The following SCFD2 variants were observed in gnomAD, a reference collection of about 807,000 sequenced individuals.
The protein encoded by SCFD2 is sec1 family domain containing 2, also known as sec1 family domain-containing protein 2.
In SCFD2, 54 loss-of-function variants were observed where a neutral mutation model predicts 58.9. The observed-to-expected ratio is 0.92, with a 90% CI of 0.74 to 1.15. The LOEUF (loss-of-function observed/expected upper bound fraction) is 1.15, where lower values mean the gene tolerates loss of function less well. Ranked by LOEUF, SCFD2 falls within the 50% of genes most tolerant of loss-of-function variation. The pLI is 0.00. For synonymous variants in SCFD2, 321 were observed against 335.9 expected (o/e 0.96, Z 0.49); for missense variants, 805 against 836.6 (o/e 0.96, Z 0.47).
At chr4:53,034,923 C>G (rs1004236224) in intron 5 of SCFD2, among the ~76,000 whole-genome samples, 11 of 152,174 alleles carry the variant, frequency 7.2e-5, no homozygotes. Flanking sequence ...ACATTCAATG[C>G]TATCCCCATC....
intron 5 of SCFD2, among the ~76,000 whole-genome samples, chr4:53,059,904 C>A (rs561825723): frequency 1.2e-4 from 19 of 152,078 alleles, no homozygotes; most frequent in Non-Finnish European, 2.1e-4. Context: ...AGTAAAAAAT[C>A]TCCAGTGCTA....
intron 5 of SCFD2, chr4:52,956,234 T>C: frequency 2.2e-6 from 1 of 456,630 alleles, no homozygotes; most frequent in Non-Finnish European, 4.4e-6. Flanking sequence ...TGCCTCCCCA[T>C]CATACTTAGA....
At chr4:53,343,202 T>C (rs1164099197) in intron 2 of SCFD2, among the ~76,000 whole-genome samples, 1 of 152,064 alleles carries the variant, frequency 6.6e-6, no homozygotes, top group Non-Finnish European at 1.5e-5. Flanking sequence ...ACAAAATTGA[T>C]AGACCGCTAA....
At chr4:52,962,650 A>G (rs1341689760) in intron 5 of SCFD2, among the ~76,000 whole-genome samples, 1 of 151,610 alleles carries the variant, frequency 6.6e-6, no homozygotes, top group East Asian at 1.9e-4. Context: ...CATTGTGTTA[A>G]TGCTATGATG....
At chr4:53,059,013 G>A (rs978606481) in intron 5 of SCFD2, among the ~76,000 whole-genome samples, 1 of 152,106 alleles carries the variant, frequency 6.6e-6, no homozygotes, top group African/African-American at 2.4e-5. Context: ...CAGGAATCGC[G>A]GTACCAGGAG....
In SCFD2 at chr4:53,127,247, T is replaced by C. The variant is rs183405404; in HGVS notation, c.1561+18086A>G. On this transcript the variant is annotated intron_variant, in intron 5 of 8. Transcript: ENST00000401642. ...GGTTTCCTTTGATGTTCCAATTCCT[T>C]CTTCAACCAAACTTTCTATTCTCCA... 3.6e-3 allele frequency among the ~76,000 whole-genome samples: 551 copies of C among 152,348 alleles called. 1 individual carries two copies. Among genetic ancestry groups the C allele is most frequent in the African/African-American group, 0.013 (527 of 41,582 alleles).
rs572979916 is a variant in SCFD2 at position 52,888,586 on chromosome 4, T to C, written c.1843-2720A>G. ...GTCAATGGACACTCCTTTGTCATCA[T>C]CTAACCTGACATTTCTATGGCATGT... On this transcript the variant is annotated intron_variant, in intron 7 of 8. Coordinates refer to ENST00000401642, the MANE Select transcript of SCFD2 (RefSeq NM_152540.4). Among the ~76,000 whole-genome samples the C allele has an allele frequency of 3.9e-5, 6 of 152,320 alleles. No individual in the cohort carries two copies. The East Asian group carries it at 9.7e-4, about 25-fold the overall frequency.
chr4:53,019,080 T>C (rs897432610), intron 5 of SCFD2, among the ~76,000 whole-genome samples: 1 of 152,188 alleles, frequency 6.6e-6, no homozygotes, highest in African/African-American at 2.4e-5. Flanking sequence ...GTTCAATAGA[T>C]ATTAGGAGCC....
At chr4:52,966,065 T>C (rs192062313) in intron 5 of SCFD2, among the ~76,000 whole-genome samples, 2 of 152,294 alleles carry the variant, frequency 1.3e-5, no homozygotes, top group East Asian at 3.9e-4. Flanking sequence ...ATCTGATTTA[T>C]AGGATCAACC....
intron 5 of SCFD2, among the ~76,000 whole-genome samples, chr4:52,979,264 C>T (rs1342605718): frequency 1.3e-5 from 2 of 152,022 alleles, no homozygotes; most frequent in Non-Finnish European, 2.9e-5. Context: ...GGGGCTGATG[C>T]AATGACACAA....
intron 1 of SCFD2, among the ~76,000 whole-genome samples, chr4:53,361,546 G>C (rs1024626427): frequency 3.3e-5 from 5 of 152,206 alleles, no homozygotes; most frequent in African/African-American, 1.2e-4. Context: ...ACAGGCATGA[G>C]CCACTATACC....
intron 5 of SCFD2, among the ~76,000 whole-genome samples, chr4:53,047,456 AAAAC>A (rs1222759763): frequency 2.0e-5 from 3 of 152,156 alleles, no homozygotes; most frequent in African/African-American, 2.4e-5. Flanking sequence ...TCTAAAACAA[AAAAC>A]AAACAAACAA....
At chr4:53,302,549 C>A (rs376246435) in intron 3 of SCFD2, among the ~76,000 whole-genome samples, 1 of 152,124 alleles carries the variant, frequency 6.6e-6, no homozygotes, top group South Asian at 2.1e-4. Context: ...AGATTCAATG[C>A]CATCCCCATC....
intron 1 of SCFD2, among the ~76,000 whole-genome samples, chr4:53,357,639 T>C (rs1023109749): frequency 6.6e-6 from 1 of 152,178 alleles, no homozygotes; most frequent in African/African-American, 2.4e-5. Context: ...CCCAACTGTG[T>C]CTCATACCTA....
At chr4:53,133,231 A>G (rs1203054625) in intron 5 of SCFD2, among the ~76,000 whole-genome samples, 1 of 151,256 alleles carries the variant, frequency 6.6e-6, no homozygotes, top group Non-Finnish European at 1.5e-5. Flanking sequence ...GGGAGGCTGA[A>G]GCAGGAGAAT....
intron 4 of SCFD2, among the ~76,000 whole-genome samples, chr4:53,217,582 T>G (rs1388415548): frequency 1.3e-5 from 2 of 152,224 alleles, no homozygotes; most frequent in Non-Finnish European, 2.9e-5. Flanking sequence ...CTGATGGGTC[T>G]TGACTCTTTA....
At chr4:53,235,046 C>T (rs2149012619) in intron 4 of SCFD2, among the ~76,000 whole-genome samples, 1 of 152,352 alleles carries the variant, frequency 6.6e-6, no homozygotes. Flanking sequence ...CACTCCTGCT[C>T]CTGCCATTCT....
chr4:53,247,816 G>A (rs1730151102), intron 4 of SCFD2, among the ~76,000 whole-genome samples: 1 of 128,730 alleles, frequency 7.8e-6, no homozygotes, highest in Non-Finnish European at 1.6e-5. Flanking sequence ...AGCCGAGATT[G>A]CGCCACTGCA....
At chr4:53,330,455 A>T (rs1278597546) in intron 2 of SCFD2, among the ~76,000 whole-genome samples, 1 of 152,192 alleles carries the variant, frequency 6.6e-6, no homozygotes, top group Admixed American at 6.5e-5. Flanking sequence ...ATTCTTAAAG[A>T]AAAGAATTTT....
Sources: allele counts gnomAD v4.1 joint callset (sites outside exome capture counted in the v4.1 genomes callset), GRCh38; gene constraint gnomAD v4.1.1; transcripts MANE v1.5; gene names NCBI Gene and HGNC (gene_info 2026-07-23, HGNC 2026-07-21).